Variants in ANKH observed in about 807,000 individuals in gnomAD.
ANKH encodes the protein mineralization regulator ANKH.
ANKH carries 15 observed loss-of-function variants against 49.0 expected under a neutral mutation model. That is an observed-to-expected ratio of 0.31 (90% CI 0.20 to 0.47). The LOEUF (loss-of-function observed/expected upper bound fraction) is 0.47. Among genes scored for constraint, ANKH ranks in the 20% least tolerant of loss-of-function variants. The probability of loss-of-function intolerance (pLI) is 1.00; values close to 1 mark genes in which losing one functional copy is unlikely to be tolerated. For missense variants in ANKH, 429 were observed against 652.0 expected, an observed-to-expected ratio of 0.66 and a Z score of 3.72; for synonymous variants, 273 against 260.0, an observed-to-expected ratio of 1.05 and a Z score of -0.48.
chr5:14,864,415 G>C (rs1031316355), intron 1 of ANKH, among the ~76,000 whole-genome samples: 1 of 152,102 alleles, frequency 6.6e-6, no homozygotes, highest in African/African-American at 2.4e-5. Flanking sequence ...TGTGGCTCTA[G>C]AAACAACCCG....
intron 8 of ANKH, among the ~76,000 whole-genome samples, chr5:14,723,545 G>A (rs899675344): frequency 1.2e-4 from 19 of 152,024 alleles, no homozygotes; most frequent in East Asian, 1.9e-4. Context: ...AGGCTAAGGC[G>A]GGAGGACTGC....
intron 1 of ANKH, among the ~76,000 whole-genome samples, chr5:14,807,432 C>T (rs543117382): frequency 5.9e-5 from 9 of 152,254 alleles, no homozygotes; most frequent in African/African-American, 1.7e-4. Context: ...ATATTCCTTA[C>T]AGTGTTGTGG....
Position 14,710,083 on chromosome 5 carries a change from C to T in ANKH, c.*1114G>A, listed in dbSNP as rs1045009753. 4 of 152,116 alleles carry T rather than the reference C, an allele frequency of 2.6e-5. No individual in the cohort carries two copies. The highest frequency in any genetic ancestry group is 2.6e-4 in the Admixed American group (4 of 15,280). 9.4% of individuals were successfully genotyped at this position (152,116 alleles called of 1,614,324 possible). On this transcript the variant is annotated 3_prime_UTR_variant, in exon 12 of 12. Coordinates refer to ENST00000284268, the MANE Select transcript of ANKH (RefSeq NM_054027.6). ...TATTTCAGGGAGGACCACATAGTGA[C>T]TCTGGTATCGTTATAAAATGTCTTG...
At chr5:14,829,164 G>A (rs371733178) in intron 1 of ANKH, among the ~76,000 whole-genome samples, 1 of 125,370 alleles carries the variant, frequency 8.0e-6, no homozygotes, top group South Asian at 2.6e-4. Context: ...CAGCCTGGGC[G>A]ACAGAGAGAG....
chr5:14,814,769 C>A (rs1740982362), intron 1 of ANKH, among the ~76,000 whole-genome samples: 1 of 152,216 alleles, frequency 6.6e-6, no homozygotes, highest in Non-Finnish European at 1.5e-5. Flanking sequence ...ATCAGTCCAT[C>A]TTCTATCTGA....
Position 14,737,289 on chromosome 5 carries a change from T to C in ANKH, c.1011+4538A>G, listed in dbSNP as rs1738217975. ...ATGCCGGTGAGTGGTTTCTATCTTA[T>C]CCCCACTTCTAGAGTCCAGGAGGGC... On this transcript the variant is annotated intron_variant, in intron 8 of 11. Transcript: ENST00000284268. This position sits in a 1 kb window ranked among gnomAD's most constrained non-coding sequence, Gnocchi z 5.0. Among the ~76,000 whole-genome samples, 1 of 152,112 alleles carries C rather than the reference T, an allele frequency of 6.6e-6. No individual in the cohort carries two copies. The highest frequency in any genetic ancestry group is 6.5e-5 in the Admixed American group (1 of 15,274).
At chr5:14,810,892 G>A (rs1740860945) in intron 1 of ANKH, among the ~76,000 whole-genome samples, 2 of 152,182 alleles carry the variant, frequency 1.3e-5, no homozygotes, top group Non-Finnish European at 2.9e-5. Flanking sequence ...ACTACTGGGT[G>A]GGATAGTGCA....
rs1737788262 is a variant in ANKH at position 14,725,246 on chromosome 5, T to C, written c.1012-8411A>G. 6.6e-6 allele frequency among the ~76,000 whole-genome samples: 1 copy of C among 152,186 alleles called. No homozygotes were observed. Among genetic ancestry groups the C allele is most frequent in the Non-Finnish European group, 1.5e-5 (1 of 68,032 alleles). ...GAGCACTCCAGCCTCAGCTCTCTTC[T>C]TTCAAACGGGGATGGTGTCTCCCTC... On this transcript the variant is annotated intron_variant, in intron 8 of 11. Coordinates refer to ENST00000284268, the MANE Select transcript of ANKH (RefSeq NM_054027.6). The surrounding 1 kb of genome is among the most constrained non-coding windows in gnomAD (Gnocchi z 4.0).
At chr5:14,814,278 T>G (rs1342340071) in intron 1 of ANKH, among the ~76,000 whole-genome samples, 1 of 152,214 alleles carries the variant, frequency 6.6e-6, no homozygotes, top group African/African-American at 2.4e-5. Context: ...AATGTATCAG[T>G]TCAGCTTCTA....
intron 8 of ANKH, among the ~76,000 whole-genome samples, chr5:14,740,002 AT>A (rs1314149514): frequency 2.0e-5 from 3 of 152,022 alleles, no homozygotes; most frequent in Non-Finnish European, 4.4e-5. Context: ...CTTGCAGAAT[AT>A]TTTTTTTAGA....
At position 14,816,156 on chromosome 5, in the gene ANKH, C is replaced by A. The variant is rs1452892325; in HGVS notation, c.97-46965G>T. Among the ~76,000 whole-genome samples the A allele has an allele frequency of 2.6e-5, 4 of 152,198 alleles. No homozygotes were observed. In the East Asian group the frequency reaches 7.7e-4, roughly 29 times the overall value. On this transcript the variant is annotated intron_variant, in intron 1 of 11. Transcript: ENST00000284268. ...ATGCTAAATTCCTTTCTTTTCCAAA[C>A]CCAAAAACATTTTTCTTTAATTTGT...
At chr5:14,855,968 C>T (rs752320343) in intron 1 of ANKH, among the ~76,000 whole-genome samples, 3 of 151,600 alleles carry the variant, frequency 2.0e-5, no homozygotes, top group Non-Finnish European at 4.4e-5. Context: ...AAGATATCCC[C>T]TTAATGCAAT....
chr5:14,712,884 T>C lies in ANKH; in HGVS notation c.1355A>G (p.Tyr452Cys), dbSNP rs1251399248. The C allele has an allele frequency of 1.2e-6, 2 of 1,610,234 alleles. No homozygotes were observed. The highest frequency in any genetic ancestry group is 1.7e-6 in the Non-Finnish European group (2 of 1,178,696). ...TMVAIAACYVYRKQKKKMENE... is the reference protein window; with the variant it reads ...TMVAIAACYVCRKQKKKMENE... Reference sequence around the variant, plus strand: ...GCGCGGCTGTCTCACCTGCTTCCGGTAGACATAGCACGCAGCGATGGCGAC... The same window carrying C: ...GCGCGGCTGTCTCACCTGCTTCCGGCAGACATAGCACGCAGCGATGGCGAC... Residue 452 changes from tyrosine (Y) to cysteine (C), a missense_variant, in exon 11 of 12, where the codon TAC becomes TGC. Transcript: ENST00000284268.
At chr5:14,739,518 T>A (rs1738288971) in intron 8 of ANKH, among the ~76,000 whole-genome samples, 1 of 152,230 alleles carries the variant, frequency 6.6e-6, no homozygotes, top group Non-Finnish European at 1.5e-5. Flanking sequence ...GATTGAATCA[T>A]CATAAGGATG....
chr5:14,820,593 C>T (rs1741170777), intron 1 of ANKH, among the ~76,000 whole-genome samples: 1 of 152,138 alleles, frequency 6.6e-6, no homozygotes, highest in Non-Finnish European at 1.5e-5. Flanking sequence ...AACGGCCCAA[C>T]ATCAAGGGTG....
At chr5:14,858,746 TAAATAAATAAATA>T (rs747942618) in intron 1 of ANKH, among the ~76,000 whole-genome samples, 9,097 of 101,718 alleles carry the variant, frequency 0.089, 340 homozygotes, top group African/African-American at 0.14. Flanking sequence ...AATAAATAAA[TAAATAAATAAATA>T]AAATAAAATA....
intron 1 of ANKH, chr5:14,869,271 A>G (rs940419092): frequency 6.6e-6 from 1 of 152,220 alleles, no homozygotes; most frequent in Non-Finnish European, 1.5e-5. Flanking sequence ...TGAAAAGAGT[A>G]AGTCAGTCTC....
chr5:14,764,685 G>A (rs539531094), intron 2 of ANKH, among the ~76,000 whole-genome samples: 6 of 152,338 alleles, frequency 3.9e-5, no homozygotes, highest in Middle Eastern at 3.4e-3. Flanking sequence ...CAGCACCCTC[G>A]TTGGTTTAAA....
At position 14,778,934 on chromosome 5, in the gene ANKH, C is replaced by T. The variant is rs116509909; in HGVS notation, c.97-9743G>A. 6.7e-3 allele frequency among the ~76,000 whole-genome samples: 1,013 copies of T among 152,260 alleles called. 12 individuals are homozygous for T. The highest frequency in any genetic ancestry group is 0.023 in the African/African-American group (963 of 41,530). ...TGCATGCTGTCAGCTGCCCAGTTAC[C>T]CCTCTAGTCTTTCCCATTCCCTGCT... On this transcript the variant is annotated intron_variant, in intron 1 of 11. Transcript: ENST00000284268.
Sources: gnomAD v4.1 joint callset for allele counts (sites outside exome capture counted in the v4.1 genomes callset) on GRCh38, gnomAD v4.1.1 for gene constraint, Gnocchi (gnomAD v3.1) non-coding constraint, MANE v1.5 for transcripts, NCBI Gene and HGNC (gene_info 2026-07-23, HGNC 2026-07-21) for gene names.